PFDN2: variants seen among roughly 807,000 people sequenced by gnomAD.
PFDN2 encodes prefoldin subunit 2.
Under a neutral mutation model 18.3 loss-of-function variants are expected in PFDN2, and 7 were observed. The ratio of observed to expected loss-of-function variants is 0.38; its 90% CI spans 0.22 to 0.72. PFDN2 has a LOEUF of 0.72. Ranked by LOEUF, PFDN2 falls within the 30% of genes least tolerant of loss-of-function variation. PFDN2 has a pLI of 0.47. For missense variants in PFDN2, 181 were observed against 199.1 expected (o/e 0.91, Z 0.55); for synonymous variants, 76 against 75.0 (o/e 1.01, Z -0.07).
At chr1:161,113,103 A>G (rs1202629449) in intron 1 of PFDN2, among the ~76,000 whole-genome samples, 1 of 152,186 alleles carries the variant, frequency 6.6e-6, no homozygotes, top group Non-Finnish European at 1.5e-5. Context: ...ATTATTTTAT[A>G]TAAGAGTTAA....
intron 3 of PFDN2, among the ~76,000 whole-genome samples, 186 bp downstream of exon 3, chr1:161,101,862 G>A (rs557112553): frequency 1.3e-5 from 2 of 152,322 alleles, no homozygotes; most frequent in East Asian, 3.9e-4. Flanking sequence ...CAGGTGAGTA[G>A]CTGGGACTAC....
At chr1:161,103,617 G>A (rs1354309452) in intron 1 of PFDN2, among the ~76,000 whole-genome samples, 2 of 147,884 alleles carry the variant, frequency 1.4e-5, no homozygotes, top group Non-Finnish European at 3.0e-5. Context: ...CCCAGGAGGC[G>A]GAGGTTGCAG....
At chr1:161,109,411 C>A (rs1654751445) in intron 1 of PFDN2, among the ~76,000 whole-genome samples, 1 of 152,172 alleles carries the variant, frequency 6.6e-6, no homozygotes, top group Non-Finnish European at 1.5e-5. Flanking sequence ...AAAATCTTTT[C>A]TATTTATATT....
At chr1:161,107,544 G>C (rs957068558) in intron 1 of PFDN2, among the ~76,000 whole-genome samples, 1 of 152,112 alleles carries the variant, frequency 6.6e-6, no homozygotes, top group African/African-American at 2.4e-5. Flanking sequence ...GCCTGGCATG[G>C]TGGCTCATGC....
At chr1:161,107,499 A>C (rs947733510) in intron 1 of PFDN2, among the ~76,000 whole-genome samples, 2 of 151,608 alleles carry the variant, frequency 1.3e-5, no homozygotes, top group Non-Finnish European at 2.9e-5. Context: ...ATTTTTCTGT[A>C]ATAAATAGTA....
intron 1 of PFDN2, among the ~76,000 whole-genome samples, chr1:161,105,297 G>A (rs970759945): frequency 2.6e-5 from 4 of 151,648 alleles, no homozygotes; most frequent in African/African-American, 9.7e-5. Context: ...TTTATTTTTT[G>A]TAGAGACAGG....
chr1:161,108,050 C>T (rs907752000), intron 1 of PFDN2, among the ~76,000 whole-genome samples: 4 of 146,896 alleles, frequency 2.7e-5, no homozygotes, highest in South Asian at 4.4e-4. Flanking sequence ...AGGAGGCAGA[C>T]GTTGCAGTGA....
intron 1 of PFDN2, among the ~76,000 whole-genome samples, chr1:161,108,372 C>T (rs1035944749): frequency 6.6e-6 from 1 of 151,054 alleles, no homozygotes; most frequent in African/African-American, 2.4e-5. Flanking sequence ...GCAGGAGAAT[C>T]GCTTGAACCT....
intron 3 of PFDN2, among the ~76,000 whole-genome samples, chr1:161,101,070 TAC>T (rs2101697691): frequency 6.6e-6 from 1 of 152,326 alleles, no homozygotes; most frequent in African/African-American, 2.4e-5. Flanking sequence ...TTTTATTTTT[TAC>T]AGAGACAAGT....
chr1:161,102,388 G>T lies in PFDN2; in HGVS notation c.76-13C>A. 1 of 1,600,264 alleles carries T rather than the reference G, an allele frequency of 6.2e-7. No homozygotes were observed. The highest frequency in any genetic ancestry group is 8.6e-7 in the Non-Finnish European group (1 of 1,167,470). On this transcript the variant is annotated splice_polypyrimidine_tract_variant and intron_variant, in intron 1 of 3. Transcript: ENST00000368010. ...AGCCAGCAATCACCTAACAAGGTGA[G>T]AGAAGAGATGAAAGAGGGGATAGTG...
At position 161,100,872 on chromosome 1, in the gene PFDN2, T is replaced by C; in HGVS notation, c.289-13A>G. The C allele has an allele frequency of 5.0e-6, 8 of 1,602,946 alleles. No homozygotes were observed. Among genetic ancestry groups the C allele is most frequent in the Non-Finnish European group, 6.8e-6 (8 of 1,170,554 alleles). ...TGATCTTCTGTATCTAGAGGACAAGTGACAGGGATTATATAAGGAATTCAG... is the reference window on the plus strand; with the variant it reads ...TGATCTTCTGTATCTAGAGGACAAGCGACAGGGATTATATAAGGAATTCAG... On this transcript the variant is annotated splice_polypyrimidine_tract_variant and intron_variant, in intron 3 of 3. Coordinates refer to ENST00000368010, the MANE Select transcript of PFDN2 (RefSeq NM_012394.4).
At chr1:161,116,794 G>T (rs1654946713) in intron 1 of PFDN2, among the ~76,000 whole-genome samples, 1 of 151,324 alleles carries the variant, frequency 6.6e-6, no homozygotes, top group Non-Finnish European at 1.5e-5. Context: ...CCCGGGAGGT[G>T]GAGGCTGTGG....
intron 1 of PFDN2, among the ~76,000 whole-genome samples, chr1:161,111,880 T>A (rs536238277): frequency 6.6e-5 from 10 of 152,360 alleles, no homozygotes; most frequent in Non-Finnish European, 1.2e-4. Flanking sequence ...GATATATTCA[T>A]ATAATCAAAT....
Position 161,110,978 on chromosome 1 carries a change from T to A in PFDN2, c.75+6974A>T, listed in dbSNP as rs191312568. ...CCTCAGCCTCCCGAGTAGGTGGGAC[T>A]ACAGGCGCCCGCCAATGCGCCCGGC... On this transcript the variant is annotated intron_variant, in intron 1 of 3. Coordinates refer to ENST00000368010, the MANE Select transcript of PFDN2 (RefSeq NM_012394.4). 4.8e-3 allele frequency among the ~76,000 whole-genome samples: 733 copies of A among 151,548 alleles called. 2 individuals carry two copies. Among genetic ancestry groups the A allele is most frequent in the Middle Eastern group, 0.01 (3 of 290 alleles).
chr1:161,110,062 A>G (rs1235412912), intron 1 of PFDN2, among the ~76,000 whole-genome samples: 2 of 151,342 alleles, frequency 1.3e-5, no homozygotes, highest in Non-Finnish European at 2.9e-5. Flanking sequence ...TCACAAACAC[A>G]AAACAAAATA....
Position 161,100,565 on chromosome 1 carries a change from G to A in PFDN2, c.*118C>T, listed in dbSNP as rs1340754506. On this transcript the variant is annotated 3_prime_UTR_variant, in exon 4 of 4. Transcript: ENST00000368010. ...AACTTCAGGCTACAGCTAAGATTCT[G>A]ACCAAAACATTTAATTAACAAAAAA... The A allele has an allele frequency of 3.5e-6, 3 of 850,942 alleles. No homozygotes were observed. The highest frequency in any genetic ancestry group is 5.3e-6 in the Non-Finnish European group (3 of 566,324). 52.7% of individuals were successfully genotyped at this position (850,942 alleles called of 1,614,324 possible). A position where few individuals can be genotyped will look rare whatever the true frequency, so the allele number is the denominator to read the frequency against.
intron 1 of PFDN2, among the ~76,000 whole-genome samples, chr1:161,112,942 A>G (rs1486368927): frequency 6.6e-6 from 1 of 151,548 alleles, no homozygotes; most frequent in African/African-American, 2.4e-5. Flanking sequence ...ACACATATAT[A>G]CACAAAAAGA....
intron 1 of PFDN2, among the ~76,000 whole-genome samples, chr1:161,109,845 T>C (rs1298378982): frequency 1.3e-5 from 2 of 151,556 alleles, no homozygotes; most frequent in Admixed American, 6.6e-5. Flanking sequence ...AGGCCAGGAG[T>C]TCCAGATCAG....
intron 1 of PFDN2, among the ~76,000 whole-genome samples, chr1:161,116,113 G>A (rs1654910774): frequency 6.6e-6 from 1 of 152,144 alleles, no homozygotes; most frequent in Non-Finnish European, 1.5e-5. Context: ...TATAGTCCCA[G>A]CTACTCAGGA....
Sources: gnomAD v4.1 joint callset for allele counts (sites outside exome capture counted in the v4.1 genomes callset) on GRCh38, gnomAD v4.1.1 for gene constraint, MANE v1.5 for transcripts, NCBI Gene and HGNC (gene_info 2026-07-23, HGNC 2026-07-21) for gene names.